Variants in TAF7L observed in about 807,000 individuals in gnomAD.
TAF7L encodes TATA-box binding protein associated factor 7 like.
In TAF7L, 6 loss-of-function variants were observed where a neutral mutation model predicts 30.2. The observed-to-expected ratio is 0.20, with a 90% CI of 0.11 to 0.39. TAF7L has a LOEUF of 0.39. TAF7L is among the 10% of genes least tolerant of loss of function. TAF7L has a pLI of 1.00. For missense variants in TAF7L, 284 were observed against 277.1 expected, an observed-to-expected ratio of 1.03 and a Z score of -0.18; for synonymous variants, 93 against 94.5, an observed-to-expected ratio of 0.98 and a Z score of 0.09.
chrX:101,291,586 G>T (rs1382883638), upstream of TAF7L, among the ~76,000 whole-genome samples: 1 of 112,439 alleles, frequency 8.9e-6, no homozygotes, highest in Non-Finnish European at 1.9e-5. Flanking sequence ...AGTTACCTTG[G>T]CCAGGCGCGG....
rs745887377 is a variant in TAF7L, at chrX:101,283,436, A to C, written c.279+14T>G. The C allele has an allele frequency of 2.1e-5, 25 of 1,205,729 alleles. No homozygotes were observed. In the East Asian group the frequency reaches 7.1e-4, roughly 34 times the overall value. The stretch of plus-strand genomic sequence containing the variant: ...TTGAAGGATGTGAGGCTAGTAAAGA[A>C]AACTAGTCCATACCTGAGAAATGTC... On this transcript the variant is annotated intron_variant, in intron 4 of 12. Transcript: ENST00000356784.
chrX:101,279,180 C>T (rs1460208648), intron 6 of TAF7L, 145 bp from the exon 7 acceptor site: 1 of 450,318 alleles, frequency 2.2e-6, no homozygotes, highest in Non-Finnish European at 3.8e-6. Context: ...AAAGCCAAGG[C>T]AACTGTGTTC....
rs1248266049 is a variant in TAF7L, at chrX:101,291,212, CG to C, written c.-3+11del. The C allele has an allele frequency of 1.3e-6, 1 of 743,513 alleles. No individual in the cohort carries two copies. Among genetic ancestry groups the C allele is most frequent in the Non-Finnish European group, 1.6e-6 (1 of 630,631 alleles). The allele number at this position is 743,513 out of a possible 1,213,427, so 61.3% of individuals were successfully genotyped here. Reference sequence around the variant, plus strand: ...ACCCGGTCCCGGCCGCCCGGTCGGCCGCCCGACTCACCCGCTCCTCCGGGAA... The same window carrying C: ...ACCCGGTCCCGGCCGCCCGGTCGGCCCCCGACTCACCCGCTCCTCCGGGAA... On this transcript the variant is annotated intron_variant, in intron 1 of 12. Coordinates refer to ENST00000356784, the MANE Select transcript of TAF7L (RefSeq NM_001168474.2).
intron 3 of TAF7L, among the ~76,000 whole-genome samples, chrX:101,284,259 A>G (rs924353111): frequency 1.8e-5 from 2 of 112,546 alleles, no homozygotes; most frequent in South Asian, 3.6e-4. Flanking sequence ...AGTTTTGTCA[A>G]TAAGGAAGTA....
intron 3 of TAF7L, among the ~76,000 whole-genome samples, chrX:101,285,781 T>G (rs1196914883): frequency 9.0e-6 from 1 of 111,526 alleles, no homozygotes; most frequent in African/African-American, 3.3e-5. Context: ...AAAATCAGGT[T>G]ATTTGTTTTC....
chrX:101,279,753 T>C (rs2147375440), intron 6 of TAF7L, among the ~76,000 whole-genome samples: 1 of 111,884 alleles, frequency 8.9e-6, no homozygotes, highest in Admixed American at 9.6e-5. Context: ...CACTGTGATA[T>C]TGGTGGAGGG....
rs138836907 is a variant in TAF7L at position 101,275,644 on chromosome X, T to A, written c.1026+356A>T. On this transcript the variant is annotated intron_variant, in intron 11 of 12. Coordinates refer to ENST00000356784, the MANE Select transcript of TAF7L (RefSeq NM_001168474.2). ...TTACTTAACCTCTTTGAGTTTCCAT[T>A]CTTTATCTATAAAATGGGAGTGGTG... Among the ~76,000 whole-genome samples the A allele has an allele frequency of 3.0e-3, 335 of 111,309 alleles. 1 individual carries two copies. Among genetic ancestry groups the A allele is most frequent in the African/African-American group, 0.01 (315 of 30,675 alleles).
chrX:101,268,970 A>AAAGT lies in TAF7L; in HGVS notation c.*219_*222dup. 1 of 307,633 alleles carries AAAGT rather than the reference A, an allele frequency of 3.3e-6. No individual in the cohort carries two copies. Among genetic ancestry groups the AAAGT allele is most frequent in the Non-Finnish European group, 5.8e-6 (1 of 172,732 alleles). The allele number at this position is 307,633 out of a possible 1,213,427, so 25.4% of individuals were successfully genotyped here. ...TAATAATTCCCAAATTGACAAAGAGAAAGTCTCATGGTCGAGTGGGGTCTT... is the reference window on the plus strand; with the variant it reads ...TAATAATTCCCAAATTGACAAAGAGAAAGTAAGTCTCATGGTCGAGTGGGGTCTT... On this transcript the variant is annotated 3_prime_UTR_variant, in exon 13 of 13. Transcript: ENST00000356784.
At chrX:101,275,968 T>C (rs1430446207) in intron 11 of TAF7L, 32 bp downstream of exon 11, 2 of 1,013,092 alleles carry the variant, frequency 2.0e-6, no homozygotes, top group African/African-American at 3.8e-5. Flanking sequence ...AAGTAAGATA[T>C]CAGGATTTCT....
Position 101,279,051 on chromosome X carries a change from C to T in TAF7L, c.463-16G>A. 1 of 1,178,395 alleles carries T rather than the reference C, an allele frequency of 8.5e-7. No individual in the cohort carries two copies. The highest frequency in any genetic ancestry group is 1.2e-6 in the Non-Finnish European group (1 of 867,042). Reference sequence around the variant, plus strand: ...CATCAGGGACCTATGAAATAAAACACAATAAACAAGTTATATTATGATACC... The same window carrying T: ...CATCAGGGACCTATGAAATAAAACATAATAAACAAGTTATATTATGATACC... On this transcript the variant is annotated splice_polypyrimidine_tract_variant and intron_variant, in intron 6 of 12. Coordinates refer to ENST00000356784, the MANE Select transcript of TAF7L (RefSeq NM_001168474.2).
chrX:101,292,244 A>AT (rs2147390140), upstream of TAF7L, among the ~76,000 whole-genome samples: 1 of 36,775 alleles, frequency 2.7e-5, no homozygotes, highest in South Asian at 1.5e-3. Flanking sequence ...GTCTCAAAAA[A>AT]AAAAAAATAA....
intron 6 of TAF7L, among the ~76,000 whole-genome samples, chrX:101,279,706 A>C (rs185141144): frequency 8.9e-6 from 1 of 112,040 alleles, no homozygotes; most frequent in Admixed American, 9.5e-5. Flanking sequence ...AAGTCAGAGC[A>C]ATCAGCCTTC....
At chrX:101,280,812 CTT>C in intron 6 of TAF7L, among the ~76,000 whole-genome samples, 1 of 111,849 alleles carries the variant, frequency 8.9e-6, no homozygotes, top group Middle Eastern at 4.7e-3. Context: ...GCTACAAAAA[CTT>C]ATATGGATCT....
In TAF7L at chrX:101,287,550, A is replaced by AT. The variant is rs1569277040; in HGVS notation, c.-2-6dup. 8.3e-7 allele frequency: 1 copy of AT among 1,204,500 alleles called. No individual in the cohort carries two copies. Among genetic ancestry groups the AT allele is most frequent in the Non-Finnish European group, 1.1e-6 (1 of 889,994 alleles). ...CATCCTGGCTTTCACTCATGTCTTG[A>AT]TTTTGAGTTCATGAAAGCAAAAAGA... On this transcript the variant is annotated splice_polypyrimidine_tract_variant and splice_region_variant and intron_variant, in intron 1 of 12. Transcript: ENST00000356784.
chrX:101,292,185 G>A (rs1288152370), upstream of TAF7L, among the ~76,000 whole-genome samples: 1 of 97,025 alleles, frequency 1.0e-5, no homozygotes, highest in Non-Finnish European at 2.0e-5. Context: ...CTTGCAGTGA[G>A]CCGAGATCCC....
chrX:101,290,501 A>C (rs1924758260), intron 1 of TAF7L, among the ~76,000 whole-genome samples: 1 of 112,275 alleles, frequency 8.9e-6, no homozygotes, highest in Non-Finnish European at 1.9e-5. Context: ...AGATTTTATC[A>C]GATCAGTAGT....
chrX:101,289,430 TTTTTA>T (rs774673240), intron 1 of TAF7L, among the ~76,000 whole-genome samples: 98 of 112,137 alleles, frequency 8.7e-4, no homozygotes, highest in Non-Finnish European at 1.5e-3. Context: ...GGATCCCAAG[TTTTTA>T]TTTTATTATT....
At chrX:101,279,143 T>C in intron 6 of TAF7L, 108 bp from the exon 7 acceptor site, 1 of 600,638 alleles carries the variant, frequency 1.7e-6, no homozygotes, top group South Asian at 3.6e-5. Context: ...TAGTAGGCAC[T>C]CAATAAATGT....
In TAF7L at chrX:101,277,151, CAAAAAA is replaced by C. The variant is rs35984328; in HGVS notation, c.691+449_691+454del. Reference sequence around the variant, plus strand: ...TGGGCGACAGAGCGAGACTCTGTCTCAAAAAAAAAAAAAAAAAAAAAAAAAGGCCAG... The same window carrying C: ...TGGGCGACAGAGCGAGACTCTGTCTCAAAAAAAAAAAAAAAAAAAGGCCAG... On this transcript the variant is annotated intron_variant, in intron 9 of 12. Transcript: ENST00000356784. Among the ~76,000 whole-genome samples, 6 of 16,023 alleles carry C rather than the reference CAAAAAA, an allele frequency of 3.7e-4. No homozygotes were observed. In the East Asian group the frequency reaches 0.011, roughly 30 times the overall value. The allele number at this position is 16,023 out of a possible 115,157, so 13.9% of individuals were successfully genotyped here. A position where few individuals can be genotyped will look rare whatever the true frequency, so the allele number is the denominator to read the frequency against.
Sources: gnomAD v4.1 joint callset for allele counts (sites outside exome capture counted in the v4.1 genomes callset) on GRCh38, gnomAD v4.1.1 for gene constraint, MANE v1.5 for transcripts, NCBI Gene and HGNC (gene_info 2026-07-23, HGNC 2026-07-21) for gene names.